Variants in KIAA1671 observed in about 807,000 individuals in gnomAD.
KIAA1671 encodes KIAA1671.
KIAA1671 carries 52 observed loss-of-function variants against 131.2 expected under a neutral mutation model. The ratio of observed to expected loss-of-function variants is 0.40; its 90% CI spans 0.32 to 0.50. The LOEUF (loss-of-function observed/expected upper bound fraction) is 0.50. KIAA1671 is among the 20% of genes least tolerant of loss of function. The pLI, the probability that KIAA1671 is intolerant of heterozygous loss-of-function variation, is 0.73. For synonymous variants in KIAA1671, 1,003 were observed against 961.6 expected (o/e 1.04, Z -0.80); for missense variants, 2,360 against 2,364.2 (o/e 1.00, Z 0.04).
intron 6 of KIAA1671, among the ~76,000 whole-genome samples, chr22:25,068,653 G>A (rs972145315): frequency 6.6e-6 from 1 of 152,168 alleles, no homozygotes; most frequent in South Asian, 2.1e-4. Context: ...AGCCAGGATG[G>A]TCTCGATCTC....
chr22:25,014,074 A>G (rs541607511), intron 1 of KIAA1671: 1 of 152,328 alleles, frequency 6.6e-6, no homozygotes, highest in Admixed American at 6.5e-5. Flanking sequence ...GCAAAATTTC[A>G]CTTGGGAAAA....
chr22:25,105,277 C>T (rs1199225327), intron 6 of KIAA1671, among the ~76,000 whole-genome samples: 1 of 152,146 alleles, frequency 6.6e-6, no homozygotes, highest in African/African-American at 2.4e-5. Flanking sequence ...CCACCTGAGC[C>T]TCCCAAAGTG....
chr22:25,002,588 T>C (rs1924535135), intron 1 of KIAA1671, among the ~76,000 whole-genome samples: 1 of 152,140 alleles, frequency 6.6e-6, no homozygotes, highest in Admixed American at 6.6e-5. Flanking sequence ...GCAGATGTCC[T>C]CAGGCCACCT....
intron 1 of KIAA1671, among the ~76,000 whole-genome samples, chr22:24,973,784 C>A (rs1922766221): frequency 6.6e-6 from 1 of 152,122 alleles, no homozygotes; most frequent in Non-Finnish European, 1.5e-5. Flanking sequence ...AGGGACTTTG[C>A]TCCCTGCCAT....
At chr22:25,152,897 G>A (rs1289454900) in intron 6 of KIAA1671, among the ~76,000 whole-genome samples, 2 of 152,088 alleles carry the variant, frequency 1.3e-5, no homozygotes, top group Non-Finnish European at 2.9e-5. Context: ...GAGCCACCAT[G>A]CCTCGCCTAA....
intron 6 of KIAA1671, among the ~76,000 whole-genome samples, chr22:25,120,444 G>T (rs556935651): frequency 2.0e-5 from 3 of 152,288 alleles, no homozygotes; most frequent in Admixed American, 1.3e-4. Flanking sequence ...ATCTAGCCTG[G>T]GCCAAAGTCT....
intron 6 of KIAA1671, among the ~76,000 whole-genome samples, chr22:25,135,411 C>T (rs1186433790): frequency 6.6e-6 from 1 of 152,200 alleles, no homozygotes; most frequent in South Asian, 2.1e-4. Context: ...TGGTCTCGAT[C>T]TCCTGACCTT....
intron 6 of KIAA1671, among the ~76,000 whole-genome samples, chr22:25,134,441 C>T (rs742164): frequency 0.1 from 15,218 of 152,042 alleles, 840 homozygotes; most frequent in East Asian, 0.16. Flanking sequence ...GTGATGCATA[C>T]GGTTTTTTCA....
chr22:25,029,105 C>T lies in KIAA1671; in HGVS notation c.1106C>T (p.Ala369Val). The T allele has an allele frequency of 1.4e-6, 2 of 1,477,218 alleles. No individual in the cohort carries two copies. Among genetic ancestry groups the T allele is most frequent in the Middle Eastern group, 1.8e-4 (1 of 5,630 alleles). 91.5% of individuals were successfully genotyped at this position (1,477,218 alleles called of 1,614,324 possible). Residue 369 changes from alanine to valine, a missense_variant, in exon 3 of 13, where the codon GCC becomes GTC. Ala to Val is a moderately conservative substitution (Grantham distance 64). Transcript: ENST00000358431. ...AAGCCGGAGATGGGCAGCCCCAGAG[C>T]CCTGGTGGGGGGCTCATCTGGGGTC... ...LSKPEMGSPR[A>V]LVGGSSGVTP...
Position 24,973,401 on chromosome 22 carries a change from T to TTG in KIAA1671, c.-208+20630_-208+20631insGT, listed in dbSNP as rs1569195673. ...ACTGCATATGATGGTTTTTTTTTTT[T>TTG]TTTTTTTTTTTTTTTGAGACGGAGT... On this transcript the variant is annotated intron_variant, in intron 1 of 12. Transcript: ENST00000358431. Among the ~76,000 whole-genome samples, 3 of 134,702 alleles carry TTG rather than the reference T, an allele frequency of 2.2e-5. 1 individual carries two copies. The highest frequency in any genetic ancestry group is 4.9e-4 in the South Asian group (2 of 4,062). The allele number at this position is 134,702 out of a possible 152,430, so 88.4% of individuals were successfully genotyped here.
intron 5 of KIAA1671, among the ~76,000 whole-genome samples, chr22:25,045,577 A>G (rs1927177273): frequency 6.6e-6 from 1 of 152,202 alleles, no homozygotes; most frequent in Admixed American, 6.5e-5. Flanking sequence ...AACAGTCTAT[A>G]GAAAATCTTG....
intron 1 of KIAA1671, among the ~76,000 whole-genome samples, chr22:24,966,799 A>T (rs1439068398): frequency 1.3e-5 from 2 of 152,188 alleles, no homozygotes; most frequent in Admixed American, 6.5e-5. Context: ...CAAAAAATTT[A>T]AAAAATTAAC....
At chr22:25,172,220 C>CG (rs1395604986) in intron 7 of KIAA1671, among the ~76,000 whole-genome samples, 1 of 152,142 alleles carries the variant, frequency 6.6e-6, no homozygotes, top group Non-Finnish European at 1.5e-5. Context: ...GTTCCTCTCT[C>CG]GGGGTCTCCA....
At chr22:24,967,354 C>G (rs1922352129) in intron 1 of KIAA1671, among the ~76,000 whole-genome samples, 1 of 152,170 alleles carries the variant, frequency 6.6e-6, no homozygotes, top group Non-Finnish European at 1.5e-5. Flanking sequence ...ATGTCATAAG[C>G]TTGGGGTAAG....
chr22:25,160,186 C>T (rs1195995705), intron 6 of KIAA1671, among the ~76,000 whole-genome samples: 2 of 152,210 alleles, frequency 1.3e-5, no homozygotes, highest in African/African-American at 4.8e-5. Flanking sequence ...CAGAGAAGGG[C>T]AGGGCCTTGC....
chr22:25,128,810 T>A (rs1178926070), intron 6 of KIAA1671, among the ~76,000 whole-genome samples: 2 of 152,142 alleles, frequency 1.3e-5, no homozygotes, highest in African/African-American at 4.8e-5. Flanking sequence ...TTCCCCAGAG[T>A]GAATCTGGAA....
intron 6 of KIAA1671, among the ~76,000 whole-genome samples, chr22:25,106,511 G>A (rs1931011205): frequency 6.6e-6 from 1 of 152,154 alleles, no homozygotes; most frequent in South Asian, 2.1e-4. Flanking sequence ...CTTCATCTCT[G>A]AAAACCAGAG....
chr22:25,190,652 G>A, intron 11 of KIAA1671, 50 bp from the exon 12 acceptor site: 9 of 1,471,048 alleles, frequency 6.1e-6, no homozygotes, highest in Non-Finnish European at 8.4e-6. Context: ...TGCCCGCAAG[G>A]AGCCCACAGT....
intron 6 of KIAA1671, among the ~76,000 whole-genome samples, chr22:25,071,697 C>T (rs187655729): frequency 2.6e-5 from 4 of 152,162 alleles, no homozygotes; most frequent in Middle Eastern, 3.4e-3. Flanking sequence ...GCTGGAGATG[C>T]AGAGATGACT....
Sources: gnomAD v4.1 joint callset for allele counts (sites outside exome capture counted in the v4.1 genomes callset) on GRCh38, gnomAD v4.1.1 for gene constraint, MANE v1.5 for transcripts, NCBI Gene and HGNC (gene_info 2026-07-23, HGNC 2026-07-21) for gene names.